DLGAP2: variants seen among roughly 807,000 people sequenced by gnomAD.
The protein encoded by DLGAP2 is disks large-associated protein 2.
A neutral mutation model predicts 100.3 loss-of-function variants in DLGAP2; 26 were observed. The ratio of observed to expected loss-of-function variants is 0.26; its 90% CI spans 0.19 to 0.36. The LOEUF (loss-of-function observed/expected upper bound fraction) is 0.36, where lower values mean the gene tolerates loss of function less well. DLGAP2 is among the 10% of genes least tolerant of loss of function. The probability of loss-of-function intolerance (pLI) is 1.00; values close to 1 mark genes in which losing one functional copy is unlikely to be tolerated. For synonymous variants in DLGAP2, 886 were observed against 630.1 expected (o/e 1.41, Z -6.08); for missense variants, 1,858 against 1,453.2 (o/e 1.28, Z -4.53).
intron 2 of DLGAP2, among the ~76,000 whole-genome samples, chr8:966,131 T>A (rs1399617898): frequency 6.6e-6 from 1 of 152,202 alleles, no homozygotes; most frequent in Non-Finnish European, 1.5e-5. Context: ...AGGGGCATCA[T>A]CCTCGTTTCT....
At chr8:848,918 ACGCGCGG>A (rs1797124461) in intron 1 of DLGAP2, among the ~76,000 whole-genome samples, 2 of 96,148 alleles carry the variant, frequency 2.1e-5, no homozygotes, top group Non-Finnish European at 4.5e-5. Flanking sequence ...CAGCATAGGA[ACGCGCGG>A]TGCCTGTTCC....
Position 1,678,589 on chromosome 8 carries a change from G to C in DLGAP2, c.2664G>C (p.Glu888Asp), listed in dbSNP as rs1250094830. 3 of 1,575,654 alleles carry C rather than the reference G, an allele frequency of 1.9e-6. No individual in the cohort carries two copies. The highest frequency in any genetic ancestry group is 2.7e-5 in the African/African-American group (2 of 74,130). Residue 888 changes from glutamate to aspartate, a missense_variant, in exon 12 of 15, where the codon GAG becomes GAC. Physicochemically the swap from Glu to Asp is conservative, Grantham distance 45. Coordinates refer to ENST00000637795, the MANE Select transcript of DLGAP2 (RefSeq NM_001346810.2). ...AGAGGATGGAAGGCTGGTGCAAAGA[G>C]ATGGAGAGAGAGGCGGAGGAGAACG... ...ETKRMEGWCKEMEREAEENDL... is the reference protein window; with the variant it reads ...ETKRMEGWCKDMEREAEENDL...
chr8:1,234,823 G>A (rs1023116538), intron 2 of DLGAP2, among the ~76,000 whole-genome samples: 5 of 152,150 alleles, frequency 3.3e-5, no homozygotes, highest in African/African-American at 9.7e-5. Context: ...GTGAGTTCAC[G>A]GCGTCACGTC....
chr8:1,512,005 G>T (rs192099123), intron 4 of DLGAP2, among the ~76,000 whole-genome samples: 1 of 152,380 alleles, frequency 6.6e-6, no homozygotes, highest in East Asian at 1.9e-4. Flanking sequence ...GCAGTTAGCA[G>T]TAATTACACA....
At chr8:1,042,507 G>T (rs1802382347) in intron 2 of DLGAP2, among the ~76,000 whole-genome samples, 1 of 152,186 alleles carries the variant, frequency 6.6e-6, no homozygotes, top group African/African-American at 2.4e-5. Context: ...AGATGTGTGT[G>T]GAAAATGGTG....
chr8:1,344,570 G>A (rs1325214868), intron 3 of DLGAP2, among the ~76,000 whole-genome samples: 1 of 152,164 alleles, frequency 6.6e-6, no homozygotes, highest in Non-Finnish European at 1.5e-5. Flanking sequence ...ATTCTATGGA[G>A]TAATTCCTAT....
chr8:908,506 C>T (rs777850258), intron 2 of DLGAP2, among the ~76,000 whole-genome samples: 22 of 151,830 alleles, frequency 1.4e-4, no homozygotes, highest in South Asian at 6.2e-4. Context: ...GCAGGATGGG[C>T]GTGTGTGGCT....
intron 1 of DLGAP2, among the ~76,000 whole-genome samples, chr8:807,278 T>C (rs1409732523): frequency 6.8e-6 from 1 of 146,536 alleles, no homozygotes; most frequent in Admixed American, 6.8e-5. Context: ...CTCCTCTTTT[T>C]CTTCTCATTC....
intron 2 of DLGAP2, among the ~76,000 whole-genome samples, chr8:1,185,911 C>G (rs748563576): frequency 2.6e-5 from 4 of 152,184 alleles, no homozygotes; most frequent in Non-Finnish European, 5.9e-5. Context: ...AGCAGGTTCC[C>G]TTCTGCCAAG....
chr8:1,613,739 C>T (rs1408372278), intron 6 of DLGAP2, among the ~76,000 whole-genome samples: 1 of 151,962 alleles, frequency 6.6e-6, no homozygotes, highest in East Asian at 1.9e-4. Flanking sequence ...TTTTCGAGAA[C>T]CTGTTCTGTA....
intron 3 of DLGAP2, among the ~76,000 whole-genome samples, chr8:1,284,125 T>C (rs1180377504): frequency 1.3e-5 from 2 of 152,222 alleles, no homozygotes; most frequent in African/African-American, 4.8e-5. Flanking sequence ...GTGAGACACC[T>C]CAGAGCATTG....
Position 1,702,091 on chromosome 8 carries a change from C to T in DLGAP2, c.*685C>T, listed in dbSNP as rs1185993169. The T allele has an allele frequency of 2.0e-5, 3 of 151,970 alleles. No homozygotes were observed. Among genetic ancestry groups the T allele is most frequent in the African/African-American group, 7.3e-5 (3 of 41,320 alleles). 9.4% of individuals were successfully genotyped at this position (151,970 alleles called of 1,614,324 possible). On this transcript the variant is annotated 3_prime_UTR_variant, in exon 15 of 15. Transcript: ENST00000637795. ...AGTCTGAACCCACGAAAATACCCAG[C>T]GCAGCATCTACACATTCAAAAGATA...
chr8:1,445,873 C>T (rs562821371), intron 3 of DLGAP2, among the ~76,000 whole-genome samples: 2 of 152,318 alleles, frequency 1.3e-5, no homozygotes, highest in South Asian at 2.1e-4. Context: ...TGGTTTTTGG[C>T]TGCATAAATG....
At chr8:1,564,417 C>T (rs373842802) in intron 5 of DLGAP2, among the ~76,000 whole-genome samples, 8 of 152,190 alleles carry the variant, frequency 5.3e-5, no homozygotes. Context: ...AACGCAAACA[C>T]ACAGCAGGCA....
At chr8:799,663 C>T (rs961859327) in intron 1 of DLGAP2, among the ~76,000 whole-genome samples, 1 of 152,180 alleles carries the variant, frequency 6.6e-6, no homozygotes, top group African/African-American at 2.4e-5. Flanking sequence ...GTGGTGCAAA[C>T]ACAGCTCACT....
At chr8:1,253,350 C>T (rs7006605) in intron 2 of DLGAP2, among the ~76,000 whole-genome samples, 1 of 152,140 alleles carries the variant, frequency 6.6e-6, no homozygotes, top group Non-Finnish European at 1.5e-5. Context: ...GCTGCTACTG[C>T]GCACCCCTCC....
chr8:1,578,915 C>A (rs779928820), intron 6 of DLGAP2, among the ~76,000 whole-genome samples: 4 of 152,206 alleles, frequency 2.6e-5, no homozygotes, highest in Non-Finnish European at 5.9e-5. Flanking sequence ...TGCCCACGTG[C>A]AGAGCACCAC....
chr8:774,667 G>A (rs550121164), intron 1 of DLGAP2, among the ~76,000 whole-genome samples: 12 of 151,746 alleles, frequency 7.9e-5, no homozygotes, highest in East Asian at 1.9e-4. Context: ...GTAGATGTGC[G>A]GCATTATTTC....
chr8:1,000,753 G>A (rs1396354396), intron 2 of DLGAP2, among the ~76,000 whole-genome samples: 1 of 152,160 alleles, frequency 6.6e-6, no homozygotes, highest in Non-Finnish European at 1.5e-5. Context: ...GACTGCAGGG[G>A]CGTTGGGGGT....
Sources: gnomAD v4.1 joint callset for allele counts (sites outside exome capture counted in the v4.1 genomes callset) on GRCh38, gnomAD v4.1.1 for gene constraint, MANE v1.5 for transcripts, NCBI Gene and HGNC (gene_info 2026-07-23, HGNC 2026-07-21) for gene names.